RXFP2: variants seen among roughly 807,000 people sequenced by gnomAD.
The protein encoded by RXFP2 is relaxin family peptide receptor 2.
Under a neutral mutation model 88.6 loss-of-function variants are expected in RXFP2, and 68 were observed. The ratio of observed to expected loss-of-function variants is 0.77; its 90% CI spans 0.63 to 0.94. The LOEUF is 0.94. Among genes scored for constraint, RXFP2 ranks in the 40% least tolerant of loss-of-function variants. The probability of loss-of-function intolerance (pLI) is 0.00; values close to 1 mark genes in which losing one functional copy is unlikely to be tolerated. For synonymous variants in RXFP2, 329 were observed against 306.8 expected, an observed-to-expected ratio of 1.07 and a Z score of -0.76; for missense variants, 791 against 893.9, an observed-to-expected ratio of 0.88 and a Z score of 1.47.
Position 31,786,375 on chromosome 13 carries a change from G to T in RXFP2, c.930-8G>T. On this transcript the variant is annotated splice_polypyrimidine_tract_variant and splice_region_variant and intron_variant, in intron 11 of 17. Coordinates refer to ENST00000298386, the MANE Select transcript of RXFP2 (RefSeq NM_130806.5). The stretch of plus-strand genomic sequence containing the variant: ...GTAATTGCTTTGGGTTTTCATTGTC[G>T]TCAACAGGGATCTGTCTAGCAATAC... 12 of 1,589,744 alleles carry T rather than the reference G, an allele frequency of 7.5e-6. No individual in the cohort carries two copies. The highest frequency in any genetic ancestry group is 1.0e-5 in the Non-Finnish European group (12 of 1,158,170).
intron 15 of RXFP2, among the ~76,000 whole-genome samples, chr13:31,792,454 T>G (rs1322861638): frequency 6.6e-6 from 1 of 152,230 alleles, no homozygotes; most frequent in Non-Finnish European, 1.5e-5. Context: ...ATTCCGATTT[T>G]TTTAAACTAC....
intron 1 of RXFP2, among the ~76,000 whole-genome samples, chr13:31,744,312 G>A (rs555179946): frequency 1.7e-4 from 26 of 152,292 alleles, no homozygotes; most frequent in African/African-American, 6.3e-4. Flanking sequence ...GAATTGGCCA[G>A]GAGCTATTTA....
Position 31,786,594 on chromosome 13 carries a change from C to A in RXFP2, c.1030C>A (p.Leu344Ile). Residue 344 changes from leucine to isoleucine, a missense_variant, in exon 13 of 18, where the codon CTT becomes ATT. By Grantham distance (5) the Leu-to-Ile change is conservative (BLOSUM62 2). Coordinates refer to ENST00000298386, the MANE Select transcript of RXFP2 (RefSeq NM_130806.5). ...LNLSSNPLMY[L>I]HKNQFESLKQ... ...CCTGTCATCCAATCCTCTTATGTATCTTCACAAGAACCAGTTTGAAAGTCT... is the reference window on the plus strand; with the variant it reads ...CCTGTCATCCAATCCTCTTATGTATATTCACAAGAACCAGTTTGAAAGTCT... The A allele has an allele frequency of 1.3e-6, 2 of 1,599,696 alleles. No individual in the cohort carries two copies. The highest frequency in any genetic ancestry group is 8.6e-7 in the Non-Finnish European group (1 of 1,168,768).
In RXFP2 at chr13:31,791,976, T is replaced by A; in HGVS notation, c.1316T>A (p.Met439Lys). Residue 439 changes from methionine to lysine, a missense_variant, in exon 15 of 18, where the codon ATG becomes AAG. Met to Lys is a moderately conservative substitution (Grantham distance 95). Coordinates refer to ENST00000298386, the MANE Select transcript of RXFP2 (RefSeq NM_130806.5). ...TCFGNLFVIGMRSFIKAENTT... is the reference protein window; with the variant it reads ...TCFGNLFVIGKRSFIKAENTT... Reference sequence around the variant, plus strand: ...TTTGGAAATCTTTTTGTCATTGGCATGAGATCTTTCATTAAAGCTGAAAAT... The same window carrying A: ...TTTGGAAATCTTTTTGTCATTGGCAAGAGATCTTTCATTAAAGCTGAAAAT... 6.2e-7 allele frequency: 1 copy of A among 1,614,138 alleles called. No individual in the cohort carries two copies.
intron 3 of RXFP2, among the ~76,000 whole-genome samples, chr13:31,763,745 G>T (rs1232286750): frequency 6.6e-6 from 1 of 152,126 alleles, no homozygotes; most frequent in East Asian, 1.9e-4. Flanking sequence ...AGCACACCCA[G>T]CTTGACCATA....
At chr13:31,743,764 C>A (rs1481635251) in intron 1 of RXFP2, among the ~76,000 whole-genome samples, 1 of 152,046 alleles carries the variant, frequency 6.6e-6, no homozygotes, top group Non-Finnish European at 1.5e-5. Flanking sequence ...CCATCCCTAT[C>A]TTCTTGCTGT....
intron 1 of RXFP2, among the ~76,000 whole-genome samples, chr13:31,744,890 T>C (rs2138381460): frequency 6.6e-6 from 1 of 152,298 alleles, no homozygotes; most frequent in Non-Finnish European, 1.5e-5. Flanking sequence ...CTCTATCAGC[T>C]GGGCGTGGTG....
At chr13:31,789,326 G>T in intron 14 of RXFP2, 133 bp downstream of exon 14, 1 of 690,784 alleles carries the variant, frequency 1.4e-6, no homozygotes, top group Non-Finnish European at 2.6e-6. Context: ...TTTTAATTTT[G>T]TCACCTTTGG....
At chr13:31,793,225 T>G in intron 16 of RXFP2, 137 bp downstream of exon 16, 1 of 776,024 alleles carries the variant, frequency 1.3e-6, no homozygotes, top group Non-Finnish European at 2.0e-6. Flanking sequence ...ACAAAAAAGT[T>G]TTTACTATTG....
chr13:31,790,576 T>C (rs78748310), intron 14 of RXFP2, among the ~76,000 whole-genome samples: 1,943 of 152,348 alleles, frequency 0.013, 23 homozygotes, highest in Admixed American at 0.018. Flanking sequence ...AGGCACTGCG[T>C]TAGACACCAG....
At chr13:31,782,070 G>T (rs1024229159) in intron 10 of RXFP2, among the ~76,000 whole-genome samples, 2 of 151,932 alleles carry the variant, frequency 1.3e-5, no homozygotes, top group Non-Finnish European at 1.5e-5. Context: ...GCTGTACAAT[G>T]ATTAGCTTTA....
At chr13:31,797,051 A>G in intron 16 of RXFP2, 150 bp from the exon 17 acceptor site, 2 of 680,026 alleles carry the variant, frequency 2.9e-6, no homozygotes, top group Non-Finnish European at 2.6e-6. Context: ...TCCAAGATAT[A>G]TCATTATGAA....
chr13:31,789,758 CA>C (rs1278857751), intron 14 of RXFP2, among the ~76,000 whole-genome samples: 2 of 152,114 alleles, frequency 1.3e-5, no homozygotes, highest in African/African-American at 4.8e-5. Context: ...TTCATGACTT[CA>C]AAAATTAACC....
intron 16 of RXFP2, 106 bp downstream of exon 16, chr13:31,793,194 CA>C (rs1431497143): frequency 2.9e-6 from 3 of 1,021,760 alleles, no homozygotes; most frequent in Non-Finnish European, 4.3e-6. Flanking sequence ...ATAACATAGT[CA>C]AGACTGTGTC....
intron 16 of RXFP2, 73 bp from the exon 17 acceptor site, chr13:31,797,128 C>T: frequency 9.2e-7 from 1 of 1,087,316 alleles, no homozygotes; most frequent in South Asian, 1.2e-5. Context: ...GTAAGGGATA[C>T]TCAACCTGTA....
chr13:31,752,284 C>G (rs1330830564), intron 1 of RXFP2, among the ~76,000 whole-genome samples: 6 of 152,030 alleles, frequency 3.9e-5, no homozygotes, highest in Non-Finnish European at 8.8e-5. Context: ...TCTGCCCCCT[C>G]CCCCCCAAAA....
intron 5 of RXFP2, among the ~76,000 whole-genome samples, chr13:31,773,616 T>A (rs1872813326): frequency 2.0e-5 from 3 of 152,138 alleles, no homozygotes; most frequent in African/African-American, 7.2e-5. Context: ...TACCTGGCTC[T>A]CTTCAGGTCT....
chr13:31,757,138 A>C (rs1205929344), intron 1 of RXFP2, among the ~76,000 whole-genome samples: 2 of 152,078 alleles, frequency 1.3e-5, no homozygotes, highest in African/African-American at 4.8e-5. Context: ...GCTGTTATTC[A>C]ACTATCATTG....
intron 11 of RXFP2, among the ~76,000 whole-genome samples, chr13:31,784,547 G>A (rs1455138051): frequency 6.6e-6 from 1 of 152,076 alleles, no homozygotes; most frequent in African/African-American, 2.4e-5. Context: ...TCATCATATT[G>A]CTTTATTGTC....
Sources: allele counts gnomAD v4.1 joint callset (sites outside exome capture counted in the v4.1 genomes callset), GRCh38; gene constraint gnomAD v4.1.1; transcripts MANE v1.5; gene names NCBI Gene and HGNC (gene_info 2026-07-23, HGNC 2026-07-21).